DOCK4: variants seen among roughly 807,000 people sequenced by gnomAD.
DOCK4 encodes dedicator of cytokinesis protein 4.
Under a neutral mutation model 268.1 loss-of-function variants are expected in DOCK4, and 97 were observed. The ratio of observed to expected loss-of-function variants is 0.36; its 90% CI spans 0.31 to 0.43. The LOEUF (loss-of-function observed/expected upper bound fraction) is 0.43, where lower values mean the gene tolerates loss of function less well. Among genes scored for constraint, DOCK4 ranks in the 20% least tolerant of loss-of-function variants. DOCK4 has a pLI of 1.00. For synonymous variants in DOCK4, 954 were observed against 887.2 expected, an observed-to-expected ratio of 1.08 and a Z score of -1.34; for missense variants, 2,145 against 2,455.7, an observed-to-expected ratio of 0.87 and a Z score of 2.67.
intron 1 of DOCK4, among the ~76,000 whole-genome samples, chr7:112,147,351 T>G (rs1188988845): frequency 2.6e-5 from 4 of 152,160 alleles, no homozygotes; most frequent in African/African-American, 7.2e-5. Context: ...AGTACCAGAA[T>G]AGACAATTTT....
rs1231749734 is a variant in DOCK4, at chr7:111,995,797, C to T, written c.219-1566G>A. Among the ~76,000 whole-genome samples, 8 of 152,218 alleles carry T rather than the reference C, an allele frequency of 5.3e-5. No individual in the cohort carries two copies. The East Asian group carries it at 7.7e-4, about 15-fold the overall frequency. On this transcript the variant is annotated intron_variant, in intron 4 of 52. Coordinates refer to ENST00000428084, the MANE Select transcript of DOCK4 (RefSeq NM_001363540.2). ...CCAACAGAGTTTCATCTCCTCATTT[C>T]GCAGTGCTGCTAAAATACTTGCCCT...
intron 25 of DOCK4, among the ~76,000 whole-genome samples, chr7:111,838,158 A>G (rs2134045621): frequency 6.6e-6 from 1 of 151,554 alleles, no homozygotes; most frequent in Non-Finnish European, 1.5e-5. Context: ...ATGCAATCCC[A>G]GTAATTATCC....
intron 51 of DOCK4, among the ~76,000 whole-genome samples, chr7:111,732,986 C>T (rs111361767): frequency 0.012 from 1,845 of 152,352 alleles, 17 homozygotes; most frequent in Middle Eastern, 0.038. Flanking sequence ...TGTGATAGCA[C>T]TGTTCCTGTG....
At chr7:111,932,287 T>C (rs1392912833) in intron 12 of DOCK4, among the ~76,000 whole-genome samples, 1 of 152,182 alleles carries the variant, frequency 6.6e-6, no homozygotes, top group Non-Finnish European at 1.5e-5. Context: ...ACCACATCTA[T>C]GATGGTAGGA....
chr7:111,809,181 C>A, intron 29 of DOCK4, 120 bp downstream of exon 29: 1 of 839,236 alleles, frequency 1.2e-6, no homozygotes. Flanking sequence ...TTCTTGACCC[C>A]TTGGTCACTG....
At chr7:112,091,555 A>C (rs569522194) in intron 1 of DOCK4, among the ~76,000 whole-genome samples, 1 of 152,326 alleles carries the variant, frequency 6.6e-6, no homozygotes, top group East Asian at 1.9e-4. Context: ...CATTTCCAAT[A>C]GAGACCATAT....
chr7:111,801,407 CT>C (rs1455050110), intron 30 of DOCK4, among the ~76,000 whole-genome samples: 1 of 152,166 alleles, frequency 6.6e-6, no homozygotes, highest in Non-Finnish European at 1.5e-5. Context: ...CTTTTCGCTC[CT>C]TAAAACCACA....
Position 112,160,918 on chromosome 7 carries a change from T to A in DOCK4, c.37+45184A>T, listed in dbSNP as rs568786335. On this transcript the variant is annotated intron_variant, in intron 1 of 52. Transcript: ENST00000428084. ...GACTCTGAGCTCTATTAAGCAGGAC[T>A]CGAGGCCCCCCATCAAGATCACCAC... Among the ~76,000 whole-genome samples the A allele has an allele frequency of 3.3e-5, 5 of 152,314 alleles. No individual in the cohort carries two copies. The East Asian group carries it at 9.7e-4, about 29-fold the overall frequency.
chr7:111,984,362 T>C lies in DOCK4; in HGVS notation c.493A>G (p.Lys165Glu). ...EQLGLDLVPR[K>E]EYAMVDPEDI... is the part of the protein sequence containing the mutation. The stretch of plus-strand genomic sequence containing the variant: ...TCCGGATCCACCATTGCGTACTCTT[T>C]CCTAGGCACCAGGTCCAGTCCCAGT... The change falls in exon 7 of 53, where the codon AAA (lysine) becomes GAA (glutamate). Residue 165 changes from lysine (K) to glutamate (E), a missense_variant. By Grantham distance (56) the Lys-to-Glu change is moderately conservative. Coordinates refer to ENST00000428084, the MANE Select transcript of DOCK4 (RefSeq NM_001363540.2). 1 of 1,613,414 alleles carries C rather than the reference T, an allele frequency of 6.2e-7. No homozygotes were observed. Among genetic ancestry groups the C allele is most frequent in the Non-Finnish European group, 8.5e-7 (1 of 1,179,650 alleles).
intron 16 of DOCK4, 145 bp downstream of exon 16, chr7:111,895,467 C>A: frequency 1.3e-6 from 1 of 756,952 alleles, no homozygotes; most frequent in Admixed American, 2.4e-5. Flanking sequence ...AGAAACAATA[C>A]TTTGAAAAAG....
At chr7:111,944,720 A>G in intron 10 of DOCK4, 91 bp downstream of exon 10, 1 of 1,232,354 alleles carries the variant, frequency 8.1e-7, no homozygotes, top group Non-Finnish European at 1.2e-6. Flanking sequence ...TTTCTGATTC[A>G]GACAGCAATA....
chr7:111,825,733 G>C (rs906254451), intron 26 of DOCK4, among the ~76,000 whole-genome samples: 10 of 151,962 alleles, frequency 6.6e-5, no homozygotes, highest in African/African-American at 2.4e-4. Context: ...TTCAAATCAG[G>C]GTTCAAGATA....
chr7:112,176,360 T>C (rs908771295), intron 1 of DOCK4, among the ~76,000 whole-genome samples: 5 of 152,226 alleles, frequency 3.3e-5, no homozygotes, highest in Admixed American at 6.5e-5. Flanking sequence ...TCTGGGTCCA[T>C]GAACCCGTCT....
intron 12 of DOCK4, among the ~76,000 whole-genome samples, chr7:111,931,090 G>A (rs879690774): frequency 6.6e-6 from 1 of 152,078 alleles, no homozygotes; most frequent in Non-Finnish European, 1.5e-5. Context: ...TGGGCCTCAG[G>A]GTTAAGAGAG....
chr7:111,869,495 T>C, intron 21 of DOCK4, 79 bp downstream of exon 21: 1 of 1,258,018 alleles, frequency 7.9e-7, no homozygotes, highest in Non-Finnish European at 1.2e-6. Context: ...TTACTGTCTG[T>C]GTAGAGGAAC....
chr7:111,764,940 C>T (rs3213630), intron 39 of DOCK4, among the ~76,000 whole-genome samples, 178 bp downstream of exon 39: 11,686 of 150,626 alleles, frequency 0.078, 1,466 homozygotes, highest in African/African-American at 0.26. Flanking sequence ...TGATTGCTAT[C>T]TCGGAAATTA....
chr7:111,955,775 A>G (rs1174825472), intron 8 of DOCK4, among the ~76,000 whole-genome samples: 1 of 152,248 alleles, frequency 6.6e-6, no homozygotes, highest in Non-Finnish European at 1.5e-5. Context: ...CTGTTACCAG[A>G]TTAAGCAATT....
chr7:111,763,090 G>A (rs750302332), intron 39 of DOCK4, among the ~76,000 whole-genome samples: 14 of 151,066 alleles, frequency 9.3e-5, no homozygotes, highest in Admixed American at 8.6e-4. Flanking sequence ...TTTCATGAGG[G>A]GAAAAATCCC....
intron 32 of DOCK4, chr7:111,784,404 C>A (rs1196915773): frequency 1.6e-6 from 1 of 624,200 alleles, no homozygotes; most frequent in Admixed American, 2.1e-5. Context: ...AATGCATCTT[C>A]ATCCAAGCAA....
Sources: gnomAD v4.1 joint callset for allele counts (sites outside exome capture counted in the v4.1 genomes callset) on GRCh38, gnomAD v4.1.1 for gene constraint, MANE v1.5 for transcripts, NCBI Gene and HGNC (gene_info 2026-07-23, HGNC 2026-07-21) for gene names.